Variants in PCBP3 observed in about 807,000 individuals in gnomAD.
The protein encoded by PCBP3 is poly(rC) binding protein 3, also known as poly(rC)-binding protein 3.
PCBP3 carries 25 observed loss-of-function variants against 52.7 expected under a neutral mutation model. The ratio of observed to expected loss-of-function variants is 0.47; its 90% CI spans 0.35 to 0.66. The LOEUF is 0.66. PCBP3 is among the 30% of genes least tolerant of loss of function. The pLI, the probability that PCBP3 is intolerant of heterozygous loss-of-function variation, is 0.01. For synonymous variants in PCBP3, 162 were observed against 183.0 expected, an observed-to-expected ratio of 0.89 and a Z score of 0.93; for missense variants, 391 against 490.3, an observed-to-expected ratio of 0.80 and a Z score of 1.91.
chr21:45,811,049 G>T (rs912372320), intron 4 of PCBP3, among the ~76,000 whole-genome samples: 27 of 151,770 alleles, frequency 1.8e-4, no homozygotes, highest in South Asian at 1.3e-3. Context: ...TTTTTCTCTT[G>T]GTCTAGGTGT....
chr21:45,722,746 A>C (rs2084745732), intron 2 of PCBP3, among the ~76,000 whole-genome samples: 1 of 152,160 alleles, frequency 6.6e-6, no homozygotes, highest in African/African-American at 2.4e-5. Context: ...TCACGTCTGT[A>C]ATCCCAGCAC....
intron 13 of PCBP3, among the ~76,000 whole-genome samples, chr21:45,925,273 C>T (rs976532168): frequency 2.6e-5 from 4 of 151,926 alleles, no homozygotes; most frequent in Non-Finnish European, 5.9e-5. Context: ...TGAGTGTAGA[C>T]TCTCAACGCA....
At chr21:45,863,858 G>T (rs1476847836) in intron 5 of PCBP3, among the ~76,000 whole-genome samples, 1 of 152,170 alleles carries the variant, frequency 6.6e-6, no homozygotes, top group East Asian at 1.9e-4. Context: ...GGCAGAGTTT[G>T]TGCTTGGTTG....
intron 2 of PCBP3, among the ~76,000 whole-genome samples, chr21:45,714,796 A>G (rs757027438): frequency 1.3e-5 from 2 of 152,178 alleles, no homozygotes; most frequent in Non-Finnish European, 2.9e-5. Flanking sequence ...TTGGGAGTGC[A>G]CATTTTTATA....
rs559768056 is a variant in PCBP3 at position 45,871,012 on chromosome 21, C to A, written c.10+20917C>A. The A allele has an allele frequency of 2.9e-5, 5 of 171,812 alleles. No individual in the cohort carries two copies. The South Asian group carries it at 5.6e-4, about 19-fold the overall frequency. The allele number at this position is 171,812 out of a possible 1,614,324, so 10.6% of individuals were successfully genotyped here. A position where few individuals can be genotyped will look rare whatever the true frequency, so the allele number is the denominator to read the frequency against. On this transcript the variant is annotated intron_variant, in intron 5 of 17. Transcript: ENST00000681687. ...TGTATAGCCCAGTGCCAGGGAGAGC[C>A]CAGCACCCGCTGGGGAAGGCCATGC...
chr21:45,839,723 G>A (rs115922554), intron 4 of PCBP3, among the ~76,000 whole-genome samples: 1 of 152,176 alleles, frequency 6.6e-6, no homozygotes, highest in South Asian at 2.1e-4. Context: ...CTCTCACTTT[G>A]TTGCCCAGGC....
At chr21:45,732,872 G>T (rs1481548737) in intron 2 of PCBP3, 1 of 152,160 alleles carries the variant, frequency 6.6e-6, no homozygotes, top group East Asian at 1.9e-4. Flanking sequence ...GTCCAGGCTG[G>T]TCTCAAACTC....
chr21:45,935,955 C>T (rs975578734), intron 16 of PCBP3, among the ~76,000 whole-genome samples: 30 of 152,348 alleles, frequency 2.0e-4, no homozygotes, highest in African/African-American at 6.7e-4. Context: ...GGGCATGGGC[C>T]ACATGTCCTT....
intron 4 of PCBP3, among the ~76,000 whole-genome samples, chr21:45,816,076 GTGAGTGA>G (rs1350106225): frequency 1.4e-5 from 2 of 144,964 alleles, no homozygotes; most frequent in South Asian, 2.3e-4. Flanking sequence ...TGAGTGAGTG[GTGAGTGA>G]TGAGTGGTGA....
intron 1 of PCBP3, among the ~76,000 whole-genome samples, chr21:45,667,672 G>T (rs2147209368): frequency 6.6e-6 from 1 of 152,146 alleles, no homozygotes; most frequent in East Asian, 1.9e-4. Context: ...CTTGGGAACA[G>T]TTTCTATTGA....
intron 4 of PCBP3, among the ~76,000 whole-genome samples, chr21:45,846,930 A>G (rs2093826799): frequency 6.6e-6 from 1 of 152,200 alleles, no homozygotes; most frequent in African/African-American, 2.4e-5. Context: ...TGGCTTTGTG[A>G]GCCAAGTGGA....
intron 4 of PCBP3, among the ~76,000 whole-genome samples, chr21:45,835,057 C>T (rs1296311702): frequency 1.3e-5 from 2 of 152,202 alleles, no homozygotes; most frequent in African/African-American, 2.4e-5. Flanking sequence ...TCTGCTGACA[C>T]GGGGGCTGCT....
intron 9 of PCBP3, among the ~76,000 whole-genome samples, chr21:45,905,106 A>G (rs1176330112): frequency 2.0e-5 from 3 of 152,214 alleles, no homozygotes; most frequent in African/African-American, 7.2e-5. Context: ...TTCCTTTTCA[A>G]AATCAGGGGC....
chr21:45,824,780 C>A (rs1235653220), intron 4 of PCBP3, among the ~76,000 whole-genome samples: 1 of 152,176 alleles, frequency 6.6e-6, no homozygotes. Flanking sequence ...CGGATTCACC[C>A]GCTGCTTTGC....
At chr21:45,701,534 A>T (rs1037123579) in intron 2 of PCBP3, among the ~76,000 whole-genome samples, 3 of 152,362 alleles carry the variant, frequency 2.0e-5, no homozygotes, top group Admixed American at 2.0e-4. Context: ...ATATAATAAA[A>T]ACATTTTATT....
intron 5 of PCBP3, among the ~76,000 whole-genome samples, chr21:45,864,044 C>T (rs1294653107): frequency 1.3e-5 from 2 of 152,192 alleles, no homozygotes; most frequent in Non-Finnish European, 2.9e-5. Flanking sequence ...ATCTTCTTTA[C>T]TAGTCGAGTG....
chr21:45,660,701 A>G (rs1380459504), intron 1 of PCBP3, among the ~76,000 whole-genome samples: 2 of 152,152 alleles, frequency 1.3e-5, no homozygotes, highest in Non-Finnish European at 2.9e-5. Flanking sequence ...TTGCTTCTGT[A>G]TATCTCCATT....
At chr21:45,668,055 A>G (rs2080921387) in intron 1 of PCBP3, among the ~76,000 whole-genome samples, 1 of 152,184 alleles carries the variant, frequency 6.6e-6, no homozygotes, top group Non-Finnish European at 1.5e-5. Context: ...CTACCAGTTT[A>G]TAAGTGCCTT....
chr21:45,847,275 T>C (rs2093835065), intron 4 of PCBP3, among the ~76,000 whole-genome samples: 1 of 152,220 alleles, frequency 6.6e-6, no homozygotes, highest in African/African-American at 2.4e-5. Flanking sequence ...TGCTTCAGTC[T>C]ATGAGCTTAT....
Sources: allele counts gnomAD v4.1 joint callset (sites outside exome capture counted in the v4.1 genomes callset), GRCh38; gene constraint gnomAD v4.1.1; transcripts MANE v1.5; gene names NCBI Gene and HGNC (gene_info 2026-07-23, HGNC 2026-07-21).